Variants in ANKS1B observed in about 807,000 individuals in gnomAD.
ANKS1B encodes the protein ankyrin repeat and sterile alpha motif domain-containing protein 1B.
ANKS1B carries 36 observed loss-of-function variants against 148.3 expected under a neutral mutation model. The observed-to-expected ratio is 0.24, with a 90% confidence interval of 0.19 to 0.32. The LOEUF (loss-of-function observed/expected upper bound fraction) is 0.32. Among genes scored for constraint, ANKS1B ranks in the 10% least tolerant of loss-of-function variants. The pLI, the probability that ANKS1B is intolerant of heterozygous loss-of-function variation, is 1.00. For missense variants in ANKS1B, 1,157 were observed against 1,542.6 expected (o/e 0.75, Z 4.19); for synonymous variants, 542 against 560.8 (o/e 0.97, Z 0.47).
intron 17 of ANKS1B, among the ~76,000 whole-genome samples, chr12:98,894,202 A>G (rs1457509370): frequency 6.6e-6 from 1 of 152,180 alleles, no homozygotes; most frequent in Non-Finnish European, 1.5e-5. Flanking sequence ...TATTCCTTAA[A>G]GGCGATGCAC....
chr12:98,894,741 T>G (rs1284888374), intron 17 of ANKS1B: 2 of 985,398 alleles, frequency 2.0e-6, no homozygotes, highest in Non-Finnish European at 2.4e-6. Flanking sequence ...GTTGCCTCTG[T>G]GCATCTTTCT....
intron 14 of ANKS1B, among the ~76,000 whole-genome samples, chr12:99,168,334 C>G (rs1349394032): frequency 1.3e-5 from 2 of 151,920 alleles, no homozygotes; most frequent in African/African-American, 4.8e-5. Flanking sequence ...CTGGCCAACA[C>G]AGTGAAACCC....
chr12:99,617,779 C>T (rs1265385736), intron 9 of ANKS1B, among the ~76,000 whole-genome samples: 1 of 150,536 alleles, frequency 6.6e-6, no homozygotes, highest in Non-Finnish European at 1.5e-5. Context: ...ACTTTCTGCA[C>T]ATGTATCCCA....
Position 98,832,035 on chromosome 12 carries a change from G to A in ANKS1B, c.2880C>T (p.Thr960=). ...GAATGTGCTTGGCACTTACCCTGAG[G>A]GTGATGGACCGAGGGGGCTTCTGTG... The part of the protein sequence containing the change: ...DPPQKPPRSI[T]LREPSGNHTP... The change falls in exon 18 of 27, where the codon ACC becomes ACT. Residue 960 remains threonine, a synonymous_variant. Transcript: ENST00000683438. The A allele has an allele frequency of 1.3e-6, 2 of 1,588,998 alleles. No individual in the cohort carries two copies. Among genetic ancestry groups the A allele is most frequent in the East Asian group, 2.3e-5 (1 of 43,904 alleles).
chr12:99,511,011 T>G (rs2096760252), intron 9 of ANKS1B, among the ~76,000 whole-genome samples: 1 of 151,946 alleles, frequency 6.6e-6, no homozygotes, highest in Non-Finnish European at 1.5e-5. Context: ...TGAATACCCC[T>G]TATTTCTTTC....
chr12:99,465,538 C>G (rs1447022118), intron 10 of ANKS1B, among the ~76,000 whole-genome samples: 1 of 151,982 alleles, frequency 6.6e-6, no homozygotes, highest in Middle Eastern at 3.4e-3. Context: ...GTGCTGTATT[C>G]AGGAAACCCA....
At chr12:99,668,192 C>T (rs2098518865) in intron 8 of ANKS1B, among the ~76,000 whole-genome samples, 1 of 152,044 alleles carries the variant, frequency 6.6e-6, no homozygotes, top group Non-Finnish European at 1.5e-5. Flanking sequence ...TATATTTCTT[C>T]TTGAGTTACT....
At chr12:99,454,083 C>T (rs1294145775) in intron 10 of ANKS1B, among the ~76,000 whole-genome samples, 11 of 152,062 alleles carry the variant, frequency 7.2e-5, no homozygotes, top group Non-Finnish European at 1.5e-4. Flanking sequence ...GAGCATTATG[C>T]CTTTGGGAAG....
chr12:99,627,781 A>G (rs2098124009), intron 9 of ANKS1B, among the ~76,000 whole-genome samples: 1 of 152,204 alleles, frequency 6.6e-6, no homozygotes, highest in African/African-American at 2.4e-5. Flanking sequence ...AGAAAGCCAC[A>G]GTTATCAAAA....
chr12:98,760,105 G>C (rs1164772560), intron 25 of ANKS1B, among the ~76,000 whole-genome samples: 1 of 152,206 alleles, frequency 6.6e-6, no homozygotes, highest in East Asian at 1.9e-4. Context: ...GATCAAATGT[G>C]AATAGTAGTT....
chr12:99,946,255 A>G (rs568802876), intron 1 of ANKS1B, among the ~76,000 whole-genome samples: 24 of 152,322 alleles, frequency 1.6e-4, no homozygotes, highest in African/African-American at 5.5e-4. Flanking sequence ...CCAATTCTCC[A>G]TTCTTGGCTA....
At chr12:99,212,943 A>G (rs908009434) in intron 14 of ANKS1B, among the ~76,000 whole-genome samples, 2 of 152,206 alleles carry the variant, frequency 1.3e-5, no homozygotes, top group African/African-American at 2.4e-5. Flanking sequence ...ACAATGTTCA[A>G]AGATGAAGGT....
intron 8 of ANKS1B, among the ~76,000 whole-genome samples, chr12:99,729,203 C>T (rs751566699): frequency 2.0e-5 from 3 of 152,098 alleles, no homozygotes; most frequent in Non-Finnish European, 4.4e-5. Flanking sequence ...ATTTGAAAGA[C>T]GCTTTTTCCG....
chr12:99,521,704 T>C (rs1213522552), intron 9 of ANKS1B, among the ~76,000 whole-genome samples: 1 of 151,944 alleles, frequency 6.6e-6, no homozygotes, highest in Non-Finnish European at 1.5e-5. Context: ...CCTAAACAAA[T>C]AGAGTCAGTG....
intron 12 of ANKS1B, among the ~76,000 whole-genome samples, chr12:99,323,865 T>A (rs550850514): frequency 2.0e-4 from 31 of 152,268 alleles, no homozygotes; most frequent in Non-Finnish European, 4.1e-4. Flanking sequence ...CTCAAGCGAT[T>A]TAAATTCTCA....
intron 10 of ANKS1B, among the ~76,000 whole-genome samples, chr12:99,498,051 G>A (rs921385957): frequency 2.6e-5 from 4 of 152,162 alleles, no homozygotes; most frequent in Non-Finnish European, 5.9e-5. Flanking sequence ...AAGATGAGAA[G>A]GATGAGCTTT....
At chr12:99,339,122 A>G (rs1603133908) in intron 12 of ANKS1B, among the ~76,000 whole-genome samples, 1 of 152,156 alleles carries the variant, frequency 6.6e-6, no homozygotes, top group East Asian at 1.9e-4. Flanking sequence ...TCCTTGTGGC[A>G]TAGACCATCT....
intron 12 of ANKS1B, among the ~76,000 whole-genome samples, chr12:99,272,279 C>T (rs915738616): frequency 6.6e-6 from 1 of 152,078 alleles, no homozygotes; most frequent in East Asian, 1.9e-4. Flanking sequence ...CTTTGTTAGA[C>T]ATAATAGATT....
intron 12 of ANKS1B, among the ~76,000 whole-genome samples, chr12:99,330,476 T>C (rs2087293797): frequency 6.6e-6 from 1 of 151,924 alleles, no homozygotes; most frequent in Non-Finnish European, 1.5e-5. Context: ...CAGGAACCAA[T>C]CCAGCTCTGA....
Sources: gnomAD v4.1 joint callset for allele counts (sites outside exome capture counted in the v4.1 genomes callset) on GRCh38, gnomAD v4.1.1 for gene constraint, MANE v1.5 for transcripts, NCBI Gene and HGNC (gene_info 2026-07-23, HGNC 2026-07-21) for gene names.